GRM7: variants seen among roughly 807,000 people sequenced by gnomAD.
GRM7 encodes the protein metabotropic glutamate receptor 7.
GRM7 carries 35 observed loss-of-function variants against 84.5 expected under a neutral mutation model. That is an observed-to-expected ratio of 0.41 (90% CI 0.32 to 0.55). The LOEUF (loss-of-function observed/expected upper bound fraction) is 0.55, where lower values mean the gene tolerates loss of function less well. Among genes scored for constraint, GRM7 ranks in the 20% least tolerant of loss-of-function variants. The pLI is 0.19. For missense variants in GRM7, 1,003 were observed against 1,194.6 expected (o/e 0.84, Z 2.36); for synonymous variants, 487 against 455.1 (o/e 1.07, Z -0.89).
chr3:7,251,217 A>G (rs17047011), intron 2 of GRM7, among the ~76,000 whole-genome samples: 2,104 of 152,244 alleles, frequency 0.014, 61 homozygotes, highest in East Asian at 0.11. Context: ...GATGCAGTTC[A>G]ACAAGTGGTC....
chr3:7,706,926 C>T (rs1163435036), intron 9 of GRM7, among the ~76,000 whole-genome samples: 1 of 152,120 alleles, frequency 6.6e-6, no homozygotes, highest in Non-Finnish European at 1.5e-5. Flanking sequence ...CAAAGATCGT[C>T]TCCAAGGAGC....
intron 7 of GRM7, among the ~76,000 whole-genome samples, chr3:7,477,646 G>T (rs1262088661): frequency 1.3e-5 from 2 of 151,992 alleles, no homozygotes; most frequent in Non-Finnish European, 2.9e-5. Context: ...TTATTCTTTT[G>T]TTGTTTCTCT....
At chr3:6,889,243 A>C (rs138532354) in intron 1 of GRM7, among the ~76,000 whole-genome samples, 48,600 of 151,474 alleles carry the variant, frequency 0.32, 8,223 homozygotes, top group African/African-American at 0.35. Flanking sequence ...TGCCTGATTG[A>C]CCTGGCCAGA....
chr3:7,491,792 G>A (rs1276422112), intron 7 of GRM7, among the ~76,000 whole-genome samples: 2 of 152,148 alleles, frequency 1.3e-5, no homozygotes, highest in East Asian at 1.9e-4. Flanking sequence ...ATAAAGCATG[G>A]AAACACTGGA....
intron 1 of GRM7, among the ~76,000 whole-genome samples, chr3:6,935,053 T>C (rs964279669): frequency 6.6e-6 from 1 of 152,328 alleles, no homozygotes; most frequent in South Asian, 2.1e-4. Flanking sequence ...TCATCTTGCA[T>C]CCCTTGCCCT....
intron 7 of GRM7, among the ~76,000 whole-genome samples, chr3:7,484,820 A>G (rs535291579): frequency 1.5e-4 from 23 of 152,304 alleles, no homozygotes; most frequent in African/African-American, 5.5e-4. Context: ...GTGTCTGCCA[A>G]AGCTAGTGAC....
At chr3:7,515,963 G>C (rs953297805) in intron 7 of GRM7, among the ~76,000 whole-genome samples, 2 of 151,494 alleles carry the variant, frequency 1.3e-5, no homozygotes, top group African/African-American at 4.9e-5. Flanking sequence ...GGAAACATAG[G>C]GAGACCCTGT....
chr3:7,221,606 A>C (rs79899708), intron 2 of GRM7, among the ~76,000 whole-genome samples: 1,895 of 151,868 alleles, frequency 0.012, 46 homozygotes, highest in African/African-American at 0.043. Context: ...TTAATCTAAT[A>C]TTGTATAGTT....
chr3:6,890,538 G>A (rs998668363), intron 1 of GRM7, among the ~76,000 whole-genome samples: 7 of 152,220 alleles, frequency 4.6e-5, no homozygotes, highest in South Asian at 2.1e-4. Flanking sequence ...GTAGTTGAGC[G>A]GTTTTGAGTG....
chr3:7,031,226 T>C (rs2124927429), intron 1 of GRM7, among the ~76,000 whole-genome samples: 1 of 152,198 alleles, frequency 6.6e-6, no homozygotes, highest in South Asian at 2.1e-4. Context: ...GTTTGCTGTC[T>C]TTTGCTACAA....
At chr3:7,048,648 GTATATATGGACACA>G (rs1246239633) in intron 1 of GRM7, among the ~76,000 whole-genome samples, 2 of 151,858 alleles carry the variant, frequency 1.3e-5, no homozygotes, top group Non-Finnish European at 2.9e-5. Flanking sequence ...GTTTTGATAT[GTATATATGGACACA>G]TATATGCATT....
intron 1 of GRM7, among the ~76,000 whole-genome samples, chr3:7,038,432 G>T (rs958491500): frequency 5.3e-5 from 8 of 152,150 alleles, no homozygotes; most frequent in Non-Finnish European, 1.0e-4. Context: ...AACTCAGGCA[G>T]ATTTTATCAA....
intron 5 of GRM7, among the ~76,000 whole-genome samples, chr3:7,433,321 C>G (rs1696908994): frequency 6.6e-6 from 1 of 152,198 alleles, no homozygotes; most frequent in Non-Finnish European, 1.5e-5. Context: ...GTTTACACTT[C>G]CATTCCTTCC....
At chr3:7,102,225 T>C (rs1262217088) in intron 1 of GRM7, among the ~76,000 whole-genome samples, 1 of 151,824 alleles carries the variant, frequency 6.6e-6, no homozygotes. Flanking sequence ...TCTCAGCTTT[T>C]ATTATTTGTC....
chr3:6,899,406 ATTAAC>A (rs371007468), intron 1 of GRM7, among the ~76,000 whole-genome samples: 1 of 152,188 alleles, frequency 6.6e-6, no homozygotes, highest in African/African-American at 2.4e-5. Flanking sequence ...TTGATAAAAT[ATTAAC>A]TTAATAAGCA....
intron 7 of GRM7, among the ~76,000 whole-genome samples, chr3:7,468,547 G>A (rs192502841): frequency 3.5e-4 from 54 of 152,184 alleles, no homozygotes; most frequent in African/African-American, 1.2e-3. Flanking sequence ...AATGTTAGCC[G>A]CAACAGCAAC....
intron 1 of GRM7, among the ~76,000 whole-genome samples, chr3:7,111,113 C>G (rs1234670443): frequency 6.6e-6 from 1 of 151,906 alleles, no homozygotes; most frequent in Non-Finnish European, 1.5e-5. Context: ...GAGTTTAAAC[C>G]CTGAAGCAGG....
intron 4 of GRM7, among the ~76,000 whole-genome samples, chr3:7,328,883 G>T (rs1575173932): frequency 6.6e-6 from 1 of 152,094 alleles, no homozygotes; most frequent in Admixed American, 6.5e-5. Context: ...ATGAGTATAT[G>T]TGGGATGGAT....
intron 7 of GRM7, among the ~76,000 whole-genome samples, chr3:7,555,392 T>C (rs1693709879): frequency 6.6e-6 from 1 of 152,160 alleles, no homozygotes; most frequent in Non-Finnish European, 1.5e-5. Flanking sequence ...ATAGAATCTC[T>C]TCCCCTAACT....
Sources: allele counts gnomAD v4.1 joint callset (sites outside exome capture counted in the v4.1 genomes callset), GRCh38; gene constraint gnomAD v4.1.1; transcripts MANE v1.5; gene names NCBI Gene and HGNC (gene_info 2026-07-23, HGNC 2026-07-21).